The following SENP6 variants were observed in gnomAD, a reference collection of about 807,000 sequenced individuals.
SENP6 encodes the protein sentrin-specific protease 6.
SENP6 carries 41 observed loss-of-function variants against 134.5 expected under a neutral mutation model. The observed-to-expected ratio is 0.30, with a 90% CI of 0.24 to 0.40. SENP6 has a LOEUF of 0.40. Ranked by LOEUF, SENP6 falls within the 10% of genes least tolerant of loss-of-function variation. The pLI, the probability that SENP6 is intolerant of heterozygous loss-of-function variation, is 1.00. For missense variants in SENP6, 1,248 were observed against 1,312.5 expected, an observed-to-expected ratio of 0.95 and a Z score of 0.76; for synonymous variants, 395 against 429.8, an observed-to-expected ratio of 0.92 and a Z score of 1.00.
chr6:75,697,511 ATGAAGCG>A lies in SENP6; in HGVS notation c.2286_2288+4del. The A allele has an allele frequency of 6.2e-7, 1 of 1,607,180 alleles. No individual in the cohort carries two copies. The highest frequency in any genetic ancestry group is 8.5e-7 in the Non-Finnish European group (1 of 1,175,336). ...AAGGATTTTATTTTTGTACCCCTTA[ATGAAGCG>A]TGAGTAAGAATTTCCTTTAAAGGAA... On this transcript the variant is annotated splice_donor_variant and coding_sequence_variant, in exon 18 of 24. Transcript: ENST00000447266. LOFTEE classifies it high-confidence loss of function.
chr6:75,698,818 C>T (rs762826377), intron 18 of SENP6, among the ~76,000 whole-genome samples: 4 of 152,096 alleles, frequency 2.6e-5, no homozygotes, highest in Non-Finnish European at 5.9e-5. Context: ...CAAGACCAAC[C>T]TGGCGAACAT....
At chr6:75,609,558 A>G (rs940739506) in intron 1 of SENP6, among the ~76,000 whole-genome samples, 1 of 152,128 alleles carries the variant, frequency 6.6e-6, no homozygotes, top group Non-Finnish European at 1.5e-5. Flanking sequence ...TCTCTCCCAT[A>G]CCTACCTGGT....
chr6:75,626,964 TTTTA>T (rs1289745668), intron 3 of SENP6, among the ~76,000 whole-genome samples: 5 of 152,136 alleles, frequency 3.3e-5, no homozygotes, highest in African/African-American at 1.2e-4. Flanking sequence ...AGGAAATTTA[TTTTA>T]TTTATTTATC....
chr6:75,625,176 A>G (rs951003541), intron 3 of SENP6, among the ~76,000 whole-genome samples: 6 of 146,272 alleles, frequency 4.1e-5, no homozygotes, highest in African/African-American at 7.6e-5. Flanking sequence ...CAGTGGCGCA[A>G]TCTCAGCTTA....
In SENP6 at chr6:75,688,806, G is replaced by A. The variant is rs150940548; in HGVS notation, c.2076-6998G>A. Among the ~76,000 whole-genome samples the A allele has an allele frequency of 5.3e-3, 804 of 152,254 alleles. 9 individuals are homozygous for A. The highest frequency in any genetic ancestry group is 0.018 in the African/African-American group (749 of 41,532). On this transcript the variant is annotated intron_variant, in intron 16 of 23. Transcript: ENST00000447266. Reference sequence around the variant, plus strand: ...GGGCAAGCCAGGCGTGGTGGCTCACGCCTATAATCCCAGCACTTTGGGAAG... The same window carrying A: ...GGGCAAGCCAGGCGTGGTGGCTCACACCTATAATCCCAGCACTTTGGGAAG...
chr6:75,672,726 C>T (rs1772769610), intron 11 of SENP6, among the ~76,000 whole-genome samples: 1 of 152,124 alleles, frequency 6.6e-6, no homozygotes, highest in African/African-American at 2.4e-5. Context: ...AAATGTTTTA[C>T]TATGTTTAAT....
At chr6:75,608,550 A>G (rs678985) in intron 1 of SENP6, among the ~76,000 whole-genome samples, 139,902 of 151,966 alleles carry the variant, frequency 0.92, 64,996 homozygotes, top group South Asian at 0.99. Flanking sequence ...AAAGAAAGGA[A>G]GAAAGAAAGG....
intron 7 of SENP6, among the ~76,000 whole-genome samples, chr6:75,651,137 C>T (rs1202785952): frequency 6.6e-6 from 1 of 152,096 alleles, no homozygotes; most frequent in Admixed American, 6.5e-5. Context: ...TCTAAACATA[C>T]AGAATAACAA....
At chr6:75,614,011 T>C (rs557900789) in intron 1 of SENP6, among the ~76,000 whole-genome samples, 1 of 152,330 alleles carries the variant, frequency 6.6e-6, no homozygotes, top group African/African-American at 2.4e-5. Context: ...CTTGACATAT[T>C]TTAAGAAAAC....
At chr6:75,695,284 A>C (rs1000955815) in intron 16 of SENP6, among the ~76,000 whole-genome samples, 1 of 152,234 alleles carries the variant, frequency 6.6e-6, no homozygotes, top group Non-Finnish European at 1.5e-5. Flanking sequence ...TCCTTGTTTT[A>C]AAACATTAGA....
intron 9 of SENP6, among the ~76,000 whole-genome samples, chr6:75,665,658 A>G (rs941012121): frequency 6.6e-6 from 1 of 152,208 alleles, no homozygotes; most frequent in African/African-American, 2.4e-5. Flanking sequence ...AACAAGACTT[A>G]TTGAACATAA....
Position 75,684,433 on chromosome 6 carries a change from T to A in SENP6, c.2075+5506T>A, listed in dbSNP as rs533005410. On this transcript the variant is annotated intron_variant, in intron 16 of 23. Transcript: ENST00000447266. ...GCCCTAGCCAGAACTTCCAACACTA[T>A]GTTGAATAGGAGTGGTGAGAGAGGG... is the stretch of plus-strand genomic sequence containing the variant. Among the ~76,000 whole-genome samples the A allele has an allele frequency of 9.2e-5, 14 of 152,318 alleles. No homozygotes were observed. In the South Asian group the frequency reaches 2.9e-3, roughly 32 times the overall value.
intron 3 of SENP6, among the ~76,000 whole-genome samples, chr6:75,629,729 T>C (rs1768967443): frequency 6.6e-6 from 1 of 152,164 alleles, no homozygotes; most frequent in Non-Finnish European, 1.5e-5. Flanking sequence ...ACAGGTAATG[T>C]ATAGGTCTGT....
At chr6:75,703,739 G>A (rs535798238) in intron 19 of SENP6, among the ~76,000 whole-genome samples, 2 of 152,004 alleles carry the variant, frequency 1.3e-5, no homozygotes, top group Non-Finnish European at 2.9e-5. Flanking sequence ...TCCAGCCTGG[G>A]TGACAGAGTG....
At chr6:75,657,433 C>T (rs901552259) in intron 7 of SENP6, among the ~76,000 whole-genome samples, 126 of 152,240 alleles carry the variant, frequency 8.3e-4, no homozygotes, top group African/African-American at 2.9e-3. Flanking sequence ...TTTAGTTACT[C>T]TCTGGCCAGA....
chr6:75,644,681 C>T (rs1448428425), intron 6 of SENP6, among the ~76,000 whole-genome samples: 9 of 152,014 alleles, frequency 5.9e-5, no homozygotes, highest in East Asian at 3.9e-4. Flanking sequence ...GACGGTGTTT[C>T]GCCATGTTGG....
At chr6:75,615,687 G>A (rs1403071108) in intron 1 of SENP6, among the ~76,000 whole-genome samples, 1 of 152,178 alleles carries the variant, frequency 6.6e-6, no homozygotes, top group Admixed American at 6.5e-5. Flanking sequence ...GAATGTCACT[G>A]TCAAGTTTAG....
intron 18 of SENP6, among the ~76,000 whole-genome samples, chr6:75,701,303 G>T (rs1241058601): frequency 2.6e-5 from 4 of 152,126 alleles, no homozygotes; most frequent in African/African-American, 9.7e-5. Flanking sequence ...AGCCAGGACT[G>T]TACAGCTTCT....
At chr6:75,661,714 A>G (rs1166250437) in intron 8 of SENP6, among the ~76,000 whole-genome samples, 2 of 152,130 alleles carry the variant, frequency 1.3e-5, no homozygotes, top group African/African-American at 4.8e-5. Context: ...CTTTCCATGT[A>G]TAGTCTCTGA....
Sources: gnomAD v4.1 joint callset for allele counts (sites outside exome capture counted in the v4.1 genomes callset) on GRCh38, gnomAD v4.1.1 for gene constraint, MANE v1.5 for transcripts, NCBI Gene and HGNC (gene_info 2026-07-23, HGNC 2026-07-21) for gene names.